CLCN5: variants seen among roughly 807,000 people sequenced by gnomAD.
The protein encoded by CLCN5 is Cl-/H+ antiporter 5, also known as H(+)/Cl(-) exchange transporter 5.
In CLCN5, 17 loss-of-function variants were observed where a neutral mutation model predicts 54.0. That is an observed-to-expected ratio of 0.31 (90% CI 0.22 to 0.47). CLCN5 has a LOEUF of 0.47. Among genes scored for constraint, CLCN5 ranks in the 20% least tolerant of loss-of-function variants. The probability of loss-of-function intolerance (pLI) is 1.00; values close to 1 mark genes in which losing one functional copy is unlikely to be tolerated. For missense variants in CLCN5, 448 were observed against 646.7 expected (o/e 0.69, Z 3.33); for synonymous variants, 222 against 233.0 (o/e 0.95, Z 0.43).
chrX:50,092,352 A>G lies in CLCN5; in HGVS notation c.*133A>G. ...ATTAGTGTGTTGTCTCTTTCCTACAAGTTAACCAGTTGCACTACATAATCT... is the reference window on the plus strand; with the variant it reads ...ATTAGTGTGTTGTCTCTTTCCTACAGGTTAACCAGTTGCACTACATAATCT... On this transcript the variant is annotated 3_prime_UTR_variant, in exon 15 of 15. Transcript: ENST00000376091. 4 of 499,030 alleles carry G rather than the reference A, an allele frequency of 8.0e-6. No individual in the cohort carries two copies. The highest frequency in any genetic ancestry group is 1.4e-5 in the Non-Finnish European group (4 of 278,939). 41.1% of individuals were successfully genotyped at this position (499,030 alleles called of 1,213,427 possible). A position where few individuals can be genotyped will look rare whatever the true frequency, so the allele number is the denominator to read the frequency against.
intron 3 of CLCN5, chrX:50,009,147 A>C: frequency 3.7e-6 from 1 of 271,831 alleles, no homozygotes; most frequent in Non-Finnish European, 7.3e-6. Flanking sequence ...ACGGTAAATA[A>C]GACAGCTAAG....
chrX:49,935,833 C>G lies in CLCN5; in HGVS notation c.16+10519C>G, dbSNP rs1486836269. ...CACATGATAAAATTGGAAAGGTGGG[C>G]AGGGGACAGGCCACACAGGGTTTTA... On this transcript the variant is annotated intron_variant, in intron 3 of 14. Coordinates refer to ENST00000376091, the MANE Select transcript of CLCN5 (RefSeq NM_001127898.4). Among the ~76,000 whole-genome samples, 3 of 110,585 alleles carry G rather than the reference C, an allele frequency of 2.7e-5. No individual in the cohort carries two copies. The East Asian group carries it at 8.6e-4, about 32-fold the overall frequency.
chrX:50,031,345 T>A (rs1228594428), intron 3 of CLCN5, among the ~76,000 whole-genome samples: 1 of 111,940 alleles, frequency 8.9e-6, no homozygotes, highest in Non-Finnish European at 1.9e-5. Flanking sequence ...TGGTCTCTTC[T>A]GACTGGTTTG....
chrX:50,017,697 A>G (rs939390455), intron 3 of CLCN5, among the ~76,000 whole-genome samples: 2 of 108,923 alleles, frequency 1.8e-5, no homozygotes, highest in Admixed American at 9.8e-5. Context: ...TTTTTTTTGC[A>G]TGTTCATGTC....
At chrX:50,085,348 C>CTT (rs782811898) in intron 9 of CLCN5, 1 of 115,377 alleles carries the variant, frequency 8.7e-6, no homozygotes, top group East Asian at 2.7e-4. Context: ...CACTTTTTCC[C>CTT]TTTGGCTCCT....
At chrX:50,035,033 A>G (rs1321985493) in intron 3 of CLCN5, among the ~76,000 whole-genome samples, 2 of 111,110 alleles carry the variant, frequency 1.8e-5, no homozygotes, top group Non-Finnish European at 3.8e-5. Flanking sequence ...GTTCATAGAC[A>G]CCTTCCTTGT....
intron 3 of CLCN5, among the ~76,000 whole-genome samples, chrX:49,940,964 C>T (rs1202067112): frequency 9.0e-6 from 1 of 111,664 alleles, no homozygotes; most frequent in African/African-American, 3.3e-5. Context: ...CCACTTTATG[C>T]CTCAGTTCCT....
intron 3 of CLCN5, among the ~76,000 whole-genome samples, chrX:49,931,753 C>T (rs1391128779): frequency 9.6e-6 from 1 of 104,079 alleles, no homozygotes; most frequent in Non-Finnish European, 2.0e-5. Flanking sequence ...TTTTTTGAGA[C>T]AGAGTTTTGC....
chrX:50,019,032 T>C (rs1448091441), intron 3 of CLCN5, among the ~76,000 whole-genome samples: 4 of 111,995 alleles, frequency 3.6e-5, no homozygotes, highest in Admixed American at 9.4e-5. Context: ...TGTCTTTAAA[T>C]GTTTGGTAGA....
intron 3 of CLCN5, among the ~76,000 whole-genome samples, chrX:50,033,345 A>G (rs1419428201): frequency 1.8e-5 from 2 of 111,613 alleles, no homozygotes; most frequent in Admixed American, 9.5e-5. Flanking sequence ...TCAATGTACA[A>G]AAATCACAAT....
At position 49,925,818 on chromosome X, in the gene CLCN5, G is replaced by C. The variant is rs186503367; in HGVS notation, c.16+504G>C. On this transcript the variant is annotated intron_variant, in intron 3 of 14. Coordinates refer to ENST00000376091, the MANE Select transcript of CLCN5 (RefSeq NM_001127898.4). ...ATAAACATTGAGAAGGAAAACGCCT[G>C]TTTTAATAATATGAACTACCTGAGA... 6.2e-5 allele frequency among the ~76,000 whole-genome samples: 7 copies of C among 112,327 alleles called. No individual in the cohort carries two copies. The East Asian group carries it at 2.0e-3, about 31-fold the overall frequency.
intron 3 of CLCN5, among the ~76,000 whole-genome samples, chrX:49,951,223 A>G (rs781973511): frequency 8.9e-6 from 1 of 112,292 alleles, no homozygotes; most frequent in East Asian, 2.8e-4. Flanking sequence ...TTTCTGTTAG[A>G]CAGCACTGCT....
At chrX:50,076,435 A>G (rs1933406839) in intron 7 of CLCN5, among the ~76,000 whole-genome samples, 2 of 112,586 alleles carry the variant, frequency 1.8e-5, no homozygotes, top group African/African-American at 6.5e-5. Context: ...TTCCATGTCA[A>G]AATAACAGAA....
At chrX:50,007,078 C>T (rs1273108356) in intron 3 of CLCN5, among the ~76,000 whole-genome samples, 10 of 111,694 alleles carry the variant, frequency 9.0e-5, no homozygotes, top group Non-Finnish European at 1.5e-4. Flanking sequence ...CCTGCCCTAA[C>T]TCTACTCTCT....
chrX:50,019,478 T>C (rs1373957284), intron 3 of CLCN5, among the ~76,000 whole-genome samples: 4 of 94,413 alleles, frequency 4.2e-5, no homozygotes, highest in East Asian at 3.3e-4. Context: ...CTTTTTTTTT[T>C]TTTTTTTTTT....
At chrX:49,982,722 T>C (rs1271662332) in intron 3 of CLCN5, among the ~76,000 whole-genome samples, 1 of 111,884 alleles carries the variant, frequency 8.9e-6, no homozygotes, top group Non-Finnish European at 1.9e-5. Flanking sequence ...GGCAACTATA[T>C]ATATTATTGT....
intron 3 of CLCN5, among the ~76,000 whole-genome samples, chrX:50,012,425 A>G (rs909116512): frequency 1.4e-4 from 16 of 112,428 alleles, no homozygotes; most frequent in Non-Finnish European, 2.8e-4. Flanking sequence ...TCACCTTTGT[A>G]TGGTCATAGG....
intron 3 of CLCN5, among the ~76,000 whole-genome samples, chrX:49,933,795 C>T (rs1409513088): frequency 2.7e-5 from 3 of 112,106 alleles, no homozygotes; most frequent in African/African-American, 9.7e-5. Flanking sequence ...ATATTTACTG[C>T]ACGTGCTTCT....
chrX:50,021,493 C>T, intron 3 of CLCN5, among the ~76,000 whole-genome samples: 1 of 6,819 alleles, frequency 1.5e-4, no homozygotes, highest in African/African-American at 1.3e-3. Flanking sequence ...ATTGCCCTGG[C>T]CAGAACTTCC....
Sources: gnomAD v4.1 joint callset for allele counts (sites outside exome capture counted in the v4.1 genomes callset) on GRCh38, gnomAD v4.1.1 for gene constraint, MANE v1.5 for transcripts, NCBI Gene and HGNC (gene_info 2026-07-23, HGNC 2026-07-21) for gene names.